The following LRP2 variants were observed in gnomAD, a reference collection of about 807,000 sequenced individuals.
The protein encoded by LRP2 is low-density lipoprotein receptor-related protein 2.
A neutral mutation model predicts 531.0 loss-of-function variants in LRP2; 172 were observed. The ratio of observed to expected loss-of-function variants is 0.32; its 90% CI spans 0.29 to 0.37. The LOEUF is 0.37. Among genes scored for constraint, LRP2 ranks in the 10% least tolerant of loss-of-function variants. The pLI is 1.00. For missense variants in LRP2, 5,167 were observed against 5,868.3 expected (o/e 0.88, Z 3.90); for synonymous variants, 1,992 against 2,027.6 (o/e 0.98, Z 0.47).
intron 1 of LRP2, among the ~76,000 whole-genome samples, chr2:169,343,752 G>T (rs930989612): frequency 1.3e-5 from 2 of 152,152 alleles, no homozygotes; most frequent in African/African-American, 4.8e-5. Context: ...GTTGGGAAGG[G>T]GTAGTTGGGG....
chr2:169,338,364 GAAA>G (rs1685468648), intron 1 of LRP2, among the ~76,000 whole-genome samples: 7 of 82,780 alleles, frequency 8.5e-5, no homozygotes, highest in African/African-American at 3.7e-4. Flanking sequence ...AAGAAGGAAA[GAAA>G]GAAAGAAAGA....
intron 7 of LRP2, 77 bp from the exon 8 acceptor site, chr2:169,291,074 G>A (rs1683987331): frequency 2.3e-6 from 3 of 1,322,386 alleles, no homozygotes; most frequent in South Asian, 1.3e-5. Context: ...GGTTTACAGA[G>A]GATGTAGAGC....
chr2:169,244,162 G>T (rs913692085), intron 22 of LRP2, among the ~76,000 whole-genome samples: 1 of 152,152 alleles, frequency 6.6e-6, no homozygotes, highest in Non-Finnish European at 1.5e-5. Flanking sequence ...TTAGCCCAGG[G>T]AACTTTGCTC....
chr2:169,324,287 C>T (rs1299914839), intron 1 of LRP2, among the ~76,000 whole-genome samples: 2 of 152,134 alleles, frequency 1.3e-5, no homozygotes, highest in African/African-American at 4.8e-5. Flanking sequence ...TACTTGACCA[C>T]TACTCTATGT....
intron 52 of LRP2, among the ~76,000 whole-genome samples, chr2:169,180,084 C>G (rs1186651823): frequency 6.6e-6 from 1 of 152,106 alleles, no homozygotes; most frequent in Non-Finnish European, 1.5e-5. Context: ...CTCTAATGCT[C>G]CTGGAAACAC....
At chr2:169,207,367 T>C in intron 38 of LRP2, 117 bp from the exon 39 acceptor site, 1 of 750,494 alleles carries the variant, frequency 1.3e-6, no homozygotes, top group Non-Finnish European at 2.3e-6. Context: ...CTATATGTTG[T>C]CTTTTCCAAG....
intron 52 of LRP2, among the ~76,000 whole-genome samples, chr2:169,179,670 A>C (rs879694092): frequency 6.6e-6 from 1 of 151,936 alleles, no homozygotes; most frequent in African/African-American, 2.4e-5. Context: ...TGGTGAGCCG[A>C]GATCACGCCA....
rs767868358 is a variant in LRP2 at position 169,202,969 on chromosome 2, G to A, written c.8006-10C>T. Reference sequence around the variant, plus strand: ...TCGGCACCATTTGGACCTGAAGAAAGATAATCCCAGAAGAAGTAAAAGATG... The same window carrying A: ...TCGGCACCATTTGGACCTGAAGAAAAATAATCCCAGAAGAAGTAAAAGATG... On this transcript the variant is annotated splice_polypyrimidine_tract_variant and intron_variant, in intron 42 of 78. Transcript: ENST00000649046. 2.8e-5 allele frequency: 45 copies of A among 1,612,776 alleles called. No individual in the cohort carries two copies. The highest frequency in any genetic ancestry group is 3.7e-5 in the Non-Finnish European group (44 of 1,179,094).
At position 169,185,733 on chromosome 2, in the gene LRP2, G is replaced by C; in HGVS notation, c.9615C>G (p.Asn3205Lys). The C allele has an allele frequency of 6.2e-7, 1 of 1,613,888 alleles. No homozygotes were observed. The highest frequency in any genetic ancestry group is 2.2e-5 in the East Asian group (1 of 44,862). ...TAGTTAAATTTCTCAAATAGTAACG[G>C]TTGCTAAAAATGAGATAGGGTTCGA... ...SNIEPYLIFS[N>K]RYYLRNLTID... The change falls in exon 50 of 79, where the codon AAC (asparagine) becomes AAG (lysine). Residue 3205 changes from asparagine (N) to lysine (K), a missense_variant. Transcript: ENST00000649046.
chr2:169,140,670 A>G (rs1685689490), intron 71 of LRP2, 125 bp from the exon 72 acceptor site: 3 of 679,326 alleles, frequency 4.4e-6, no homozygotes, highest in Non-Finnish European at 8.0e-6. Context: ...TCCCTGTCAA[A>G]GCTTACCTTC....
intron 9 of LRP2, among the ~76,000 whole-genome samples, chr2:169,285,365 C>A (rs1326769059): frequency 6.6e-6 from 1 of 151,950 alleles, no homozygotes; most frequent in African/African-American, 2.4e-5. Context: ...ATCCTTGGAT[C>A]ACTATAGAGG....
Position 169,136,446 on chromosome 2 carries a change from A to G in LRP2, c.13620+946T>C, listed in dbSNP as rs182390848. Among the ~76,000 whole-genome samples the G allele has an allele frequency of 2.8e-3, 432 of 152,288 alleles. 2 individuals are homozygous for G. Among genetic ancestry groups the G allele is most frequent in the Non-Finnish European group, 5.0e-3 (339 of 68,026 alleles). On this transcript the variant is annotated intron_variant, in intron 76 of 78. Coordinates refer to ENST00000649046, the MANE Select transcript of LRP2 (RefSeq NM_004525.3). ...ATCGCATCCCCTGTGACCTGCATGT[A>G]TACACCCAGATGGCCTGAAGTAACT... is the stretch of plus-strand genomic sequence containing the variant.
In LRP2 at chr2:169,220,442, A is replaced by G. The variant is rs367549134; in HGVS notation, c.5648+12T>C. On this transcript the variant is annotated intron_variant, in intron 34 of 78. Transcript: ENST00000649046. Reference sequence around the variant, plus strand: ...GCTGCATGGAAGACACGTGCCATTTATGAATACTCACCCACGAGCAGGATC... The same window carrying G: ...GCTGCATGGAAGACACGTGCCATTTGTGAATACTCACCCACGAGCAGGATC... The G allele has an allele frequency of 3.6e-5, 57 of 1,597,420 alleles. No homozygotes were observed. In the African/African-American group the frequency reaches 5.5e-4, roughly 15 times the overall value.
intron 71 of LRP2, 106 bp downstream of exon 71, chr2:169,142,568 T>C: frequency 2.3e-5 from 35 of 1,525,424 alleles, no homozygotes; most frequent in Non-Finnish European, 3.1e-5. Flanking sequence ...CTTCCAGCCA[T>C]CCCCACTCTG....
intron 29 of LRP2, 39 bp downstream of exon 29, chr2:169,235,801 A>C (rs753655780): frequency 4.8e-6 from 7 of 1,461,016 alleles, no homozygotes; most frequent in Non-Finnish European, 6.7e-6. Context: ...CCTATCCACG[A>C]CTGTAGTTTT....
At chr2:169,168,515 T>C (rs375796174) in intron 61 of LRP2, 24 bp downstream of exon 61, 2 of 1,613,780 alleles carry the variant, frequency 1.2e-6, no homozygotes, top group African/African-American at 1.3e-5. Flanking sequence ...CCACTCCCAT[T>C]CACTCCGTTT....
chr2:169,286,731 T>G (rs1007982803), intron 9 of LRP2, among the ~76,000 whole-genome samples: 1 of 152,172 alleles, frequency 6.6e-6, no homozygotes, highest in Non-Finnish European at 1.5e-5. Context: ...AAGACTGAAT[T>G]AGCGATTCTG....
chr2:169,347,139 G>A (rs988411589), intron 1 of LRP2, among the ~76,000 whole-genome samples: 2 of 152,106 alleles, frequency 1.3e-5, no homozygotes, highest in Non-Finnish European at 2.9e-5. Flanking sequence ...ACCTTGCTCT[G>A]ACAAACATTT....
At chr2:169,176,335 A>G in intron 54 of LRP2, 76 bp downstream of exon 54, 1 of 1,574,570 alleles carries the variant, frequency 6.4e-7, no homozygotes. Context: ...GAAAACTCCC[A>G]TCCCTTGGAG....
Sources: gnomAD v4.1 joint callset for allele counts (sites outside exome capture counted in the v4.1 genomes callset) on GRCh38, gnomAD v4.1.1 for gene constraint, MANE v1.5 for transcripts, NCBI Gene and HGNC (gene_info 2026-07-23, HGNC 2026-07-21) for gene names.